The following SV2C variants were observed in gnomAD, a reference collection of about 807,000 sequenced individuals.
SV2C encodes solute carrier family 22 member B3.
A neutral mutation model predicts 79.7 loss-of-function variants in SV2C; 49 were observed. The observed-to-expected ratio is 0.61, with a 90% CI of 0.49 to 0.78. SV2C has a LOEUF of 0.78. Among genes scored for constraint, SV2C ranks in the 30% least tolerant of loss-of-function variants. The pLI is 0.00. For synonymous variants in SV2C, 334 were observed against 333.2 expected, an observed-to-expected ratio of 1.00 and a Z score of -0.03; for missense variants, 833 against 912.9, an observed-to-expected ratio of 0.91 and a Z score of 1.13.
At chr5:76,128,908 C>A (rs551585111) in intron 1 of SV2C, among the ~76,000 whole-genome samples, 1 of 152,330 alleles carries the variant, frequency 6.6e-6, no homozygotes, top group East Asian at 1.9e-4. Context: ...TGCTTTAATT[C>A]AAGCATAACC....
intron 12 of SV2C, among the ~76,000 whole-genome samples, chr5:76,340,529 G>A (rs913895775): frequency 1.3e-5 from 2 of 152,170 alleles, no homozygotes; most frequent in South Asian, 4.1e-4. Flanking sequence ...TCATCCTGCA[G>A]TGGGACAGCT....
chr5:76,175,699 A>G (rs912473411), intron 2 of SV2C, among the ~76,000 whole-genome samples: 9 of 152,258 alleles, frequency 5.9e-5, no homozygotes, highest in Admixed American at 5.2e-4. Context: ...AAGATGTAAG[A>G]TCTAGAAAAT....
the SV2C span, among the ~76,000 whole-genome samples, chr5:75,901,066 A>G: frequency 1.3e-5 from 2 of 152,218 alleles, no homozygotes; most frequent in East Asian, 3.9e-4. Flanking sequence ...TGATCATCTG[A>G]AGCCTTCTTC....
chr5:75,862,215 A>C, the SV2C span, among the ~76,000 whole-genome samples: 1 of 152,142 alleles, frequency 6.6e-6, no homozygotes, highest in African/African-American at 2.4e-5. Flanking sequence ...ACTTTATATA[A>C]TTCTGCTCTC....
At chr5:76,158,717 A>G (rs1198403707) in intron 2 of SV2C, among the ~76,000 whole-genome samples, 1 of 152,052 alleles carries the variant, frequency 6.6e-6, no homozygotes, top group Non-Finnish European at 1.5e-5. Flanking sequence ...CATTCTCAGA[A>G]CACTATGAAT....
At chr5:75,918,403 G>A in the SV2C span, among the ~76,000 whole-genome samples, 4 of 152,136 alleles carry the variant, frequency 2.6e-5, no homozygotes, top group African/African-American at 4.8e-5. Context: ...AGTTGCATAC[G>A]TATTTTTATT....
chr5:75,934,290 TTTTC>T, the SV2C span, among the ~76,000 whole-genome samples: 30 of 128,428 alleles, frequency 2.3e-4, no homozygotes, highest in South Asian at 5.1e-4. Flanking sequence ...TTGTTTCTTT[TTTTC>T]TTTCTTTCTT....
chr5:75,878,426 A>G, the SV2C span, among the ~76,000 whole-genome samples: 2 of 152,174 alleles, frequency 1.3e-5, no homozygotes, highest in African/African-American at 2.4e-5. Flanking sequence ...TAATTTTTTA[A>G]TGCATCTATA....
chr5:76,011,856 T>C, the SV2C span, among the ~76,000 whole-genome samples: 220 of 152,248 alleles, frequency 1.4e-3, 7 homozygotes, highest in East Asian at 0.041. Context: ...TGAGAATATG[T>C]GGTGTTTGGT....
At chr5:76,199,092 A>G (rs1275342567) in intron 3 of SV2C, among the ~76,000 whole-genome samples, 1 of 152,196 alleles carries the variant, frequency 6.6e-6, no homozygotes, top group African/African-American at 2.4e-5. Flanking sequence ...TAAACCCTTC[A>G]TTCCTATTAC....
intron 9 of SV2C, 98 bp from the exon 10 acceptor site, chr5:76,298,696 C>A: frequency 7.3e-7 from 1 of 1,374,326 alleles, no homozygotes; most frequent in Non-Finnish European, 1.0e-6. Flanking sequence ...TAAGACAGTC[C>A]ATAGTGGGGC....
chr5:75,895,322 G>T, the SV2C span, among the ~76,000 whole-genome samples: 1 of 152,024 alleles, frequency 6.6e-6, no homozygotes. Context: ...TTGTCCCTGA[G>T]GAAGCTCAGA....
chr5:76,032,682 A>G, the SV2C span, among the ~76,000 whole-genome samples: 1 of 152,146 alleles, frequency 6.6e-6, no homozygotes, highest in Non-Finnish European at 1.5e-5. Flanking sequence ...AGTCTTTGCT[A>G]TTGTGAATAA....
chr5:76,311,214 A>C (rs1350215190), intron 12 of SV2C: 2 of 152,200 alleles, frequency 1.3e-5, no homozygotes, highest in Non-Finnish European at 2.9e-5. Context: ...TTGATCCTAA[A>C]CCTTCTTCCC....
chr5:76,174,047 A>T (rs777717945), intron 2 of SV2C: 5 of 1,573,200 alleles, frequency 3.2e-6, no homozygotes. Context: ...TTGTGCATCT[A>T]CTTCAACTTG....
the SV2C span, among the ~76,000 whole-genome samples, chr5:75,852,671 A>G: frequency 2.0e-5 from 3 of 152,080 alleles, no homozygotes; most frequent in African/African-American, 7.2e-5. Flanking sequence ...TAAAAAATAT[A>G]AAAAATTAGC....
chr5:76,191,787 T>C (rs1449055236), intron 2 of SV2C, among the ~76,000 whole-genome samples: 1 of 152,244 alleles, frequency 6.6e-6, no homozygotes, highest in Non-Finnish European at 1.5e-5. Context: ...TCACCAGAAC[T>C]ATGGTAGGAA....
At chr5:76,100,515 T>C (rs1747706000) in intron 1 of SV2C, among the ~76,000 whole-genome samples, 1 of 152,138 alleles carries the variant, frequency 6.6e-6, no homozygotes, top group Non-Finnish European at 1.5e-5. Context: ...AAAATAGACA[T>C]TAGGAGATAA....
the SV2C span, among the ~76,000 whole-genome samples, chr5:76,007,945 G>C: frequency 4.6e-5 from 7 of 152,160 alleles, no homozygotes; most frequent in Non-Finnish European, 4.4e-5. Flanking sequence ...GGTAATGTGT[G>C]ACCAAGGATC....
Sources: allele counts gnomAD v4.1 joint callset (sites outside exome capture counted in the v4.1 genomes callset), GRCh38; gene constraint gnomAD v4.1.1; transcripts MANE v1.5; gene names NCBI Gene and HGNC (gene_info 2026-07-23, HGNC 2026-07-21).